ANKRD26: variants seen among roughly 807,000 people sequenced by gnomAD.
ANKRD26 encodes the protein ankyrin repeat domain 26.
Under a neutral mutation model 208.7 loss-of-function variants are expected in ANKRD26, and 141 were observed. The observed-to-expected ratio is 0.68, with a 90% CI of 0.59 to 0.78. The LOEUF (loss-of-function observed/expected upper bound fraction) is 0.78, where lower values mean the gene tolerates loss of function less well. Among genes scored for constraint, ANKRD26 ranks in the 30% least tolerant of loss-of-function variants. The probability of loss-of-function intolerance (pLI) is 0.00; values close to 1 mark genes in which losing one functional copy is unlikely to be tolerated. For missense variants in ANKRD26, 1,889 were observed against 1,938.7 expected (o/e 0.97, Z 0.48); for synonymous variants, 636 against 660.4 (o/e 0.96, Z 0.57).
At chr10:26,965,314 C>T in the ANKRD26 span, among the ~76,000 whole-genome samples, 12 of 152,078 alleles carry the variant, frequency 7.9e-5, no homozygotes, top group Non-Finnish European at 1.8e-4. Context: ...ACAGAGCCCT[C>T]AGAAATAATG....
intron 4 of ANKRD26, among the ~76,000 whole-genome samples, chr10:26,996,381 G>A (rs1333495247): frequency 6.6e-6 from 1 of 152,118 alleles, no homozygotes; most frequent in African/African-American, 2.4e-5. Context: ...CCAACATGGT[G>A]AAAACCCATC....
intron 4 of ANKRD26, among the ~76,000 whole-genome samples, chr10:27,090,859 G>T (rs1410491651): frequency 6.6e-6 from 1 of 152,152 alleles, no homozygotes. Context: ...ACTTTGGGAG[G>T]CCAAGATGGG....
At chr10:26,997,219 A>T (rs1357699174) in intron 4 of ANKRD26, among the ~76,000 whole-genome samples, 1 of 152,200 alleles carries the variant, frequency 6.6e-6, no homozygotes, top group Non-Finnish European at 1.5e-5. Flanking sequence ...ACTGTAAGGT[A>T]TAGGTTTTGA....
In ANKRD26 at chr10:27,029,267, G is replaced by A. The variant is rs185664036; in HGVS notation, c.3878+19C>T. On this transcript the variant is annotated intron_variant, in intron 26 of 33. Transcript: ENST00000376087. ...TCTATAAATAATCATGTTTTTCTGT[G>A]TGCTGCTTTAAATTTTACTTTTGCT... 23 of 1,600,694 alleles carry A rather than the reference G, an allele frequency of 1.4e-5. 1 individual carries two copies. The African/African-American group carries it at 2.1e-4, about 15-fold the overall frequency.
At chr10:27,042,851 A>G (rs994030695) in intron 20 of ANKRD26, among the ~76,000 whole-genome samples, 2 of 150,122 alleles carry the variant, frequency 1.3e-5, no homozygotes, top group African/African-American at 4.9e-5. Flanking sequence ...CTATCATATC[A>G]GCTACTCAGG....
intron 17 of ANKRD26, among the ~76,000 whole-genome samples, chr10:27,047,250 T>C (rs2054479750): frequency 6.6e-6 from 1 of 152,058 alleles, no homozygotes; most frequent in Non-Finnish European, 1.5e-5. Flanking sequence ...GGGGGAAAAA[T>C]CCTTTTAGAA....
chr10:27,050,219 CAAAAAAAAAAAAAAAA>C (rs67384671), intron 16 of ANKRD26, among the ~76,000 whole-genome samples: 13 of 33,038 alleles, frequency 3.9e-4, no homozygotes, highest in African/African-American at 1.2e-3. Context: ...GAATCTGTCT[CAAAAAAAAAAAAAAAA>C]AAAAAAAAAA....
chr10:26,999,204 C>T (rs983486069), downstream of ANKRD26, among the ~76,000 whole-genome samples: 8 of 152,160 alleles, frequency 5.3e-5, no homozygotes, highest in East Asian at 1.5e-3. Flanking sequence ...TCAGAAGATC[C>T]CCATCTAGGC....
At chr10:27,031,077 G>C (rs2053850194) in intron 25 of ANKRD26, among the ~76,000 whole-genome samples, 1 of 152,232 alleles carries the variant, frequency 6.6e-6, no homozygotes, top group Admixed American at 6.5e-5. Context: ...GCTTCCGAAA[G>C]GAGGGGGAAT....
intron 11 of ANKRD26, among the ~76,000 whole-genome samples, chr10:27,065,459 A>C (rs557528770): frequency 6.6e-6 from 1 of 152,166 alleles, no homozygotes; most frequent in South Asian, 2.1e-4. Context: ...TGAAACTTAT[A>C]CCCCAAATTA....
downstream of ANKRD26, chr10:27,004,099 C>T (rs754428115): frequency 1.8e-4 from 28 of 151,998 alleles, no homozygotes; most frequent in Admixed American, 1.3e-3. Context: ...AAAGAGGCAT[C>T]GTGTCTGCAA....
chr10:27,035,763 CA>C lies in ANKRD26; in HGVS notation c.2698-12del. On this transcript the variant is annotated splice_polypyrimidine_tract_variant and intron_variant, in intron 23 of 33. Coordinates refer to ENST00000376087, the MANE Select transcript of ANKRD26 (RefSeq NM_014915.3). ...ATGACTATGAGAATTCTAAGTAAAA[CA>C]AAGGAAACTTTGAGCTAGCACCCAA... The C allele has an allele frequency of 6.3e-7, 1 of 1,584,866 alleles. No homozygotes were observed. Among genetic ancestry groups the C allele is most frequent in the Non-Finnish European group, 8.6e-7 (1 of 1,157,680 alleles).
At chr10:27,074,069 C>T (rs1164447339) in intron 9 of ANKRD26, among the ~76,000 whole-genome samples, 2 of 151,472 alleles carry the variant, frequency 1.3e-5, no homozygotes, top group Non-Finnish European at 2.9e-5. Flanking sequence ...AAGAAATAGT[C>T]CACCCAAATT....
rs2054099190 is a variant in ANKRD26 at position 27,037,992 on chromosome 10, C to T, written c.2438G>A (p.Arg813Lys). 1.2e-6 allele frequency: 2 copies of T among 1,612,564 alleles called. No individual in the cohort carries two copies. Among genetic ancestry groups the T allele is most frequent in the South Asian group, 2.2e-5 (2 of 90,928 alleles). The change falls in exon 22 of 34, where the codon AGG becomes AAG. Residue 813 changes from arginine to lysine, a missense_variant. Coordinates refer to ENST00000376087, the MANE Select transcript of ANKRD26 (RefSeq NM_014915.3). Reference protein sequence around the residue: ...RNADTLYEKIREQLRRKEEQY... With the variant: ...RNADTLYEKIKEQLRRKEEQY... ...CTCTTCTTTTCTTCTTAACTGTTCC[C>T]TAATTTTTTCATACAACGTATCAGC...
At chr10:27,057,340 T>C (rs556158662) in intron 15 of ANKRD26, among the ~76,000 whole-genome samples, 24 of 152,328 alleles carry the variant, frequency 1.6e-4, no homozygotes, top group African/African-American at 5.8e-4. Context: ...ACTTATTTAC[T>C]TTGATTCACT....
intron 3 of ANKRD26, among the ~76,000 whole-genome samples, chr10:26,985,251 C>T (rs1185565801): frequency 1.3e-5 from 2 of 152,068 alleles, no homozygotes; most frequent in Admixed American, 6.6e-5. Flanking sequence ...AGAGAGAACA[C>T]ATGGAGAGTA....
downstream of ANKRD26, among the ~76,000 whole-genome samples, chr10:26,989,995 G>C (rs1278393621): frequency 2.0e-5 from 3 of 152,138 alleles, no homozygotes; most frequent in Non-Finnish European, 4.4e-5. Context: ...GCATATCTAA[G>C]TTGTTTGTTG....
rs1304129616 is a variant in ANKRD26 at position 27,035,730 on chromosome 10, T to C, written c.2720A>G (p.Glu907Gly). ...GCTATTTTTATGCGATAGGTCTTTTTCTTCTTCATGACTATGAGAATTCTA... is the reference window on the plus strand; with the variant it reads ...GCTATTTTTATGCGATAGGTCTTTTCCTTCTTCATGACTATGAGAATTCTA... Reference protein sequence around the residue: ...NSENSHSHEEEKDLSHKNSML... With the variant: ...NSENSHSHEEGKDLSHKNSML... Residue 907 changes from glutamate (E) to glycine (G), a missense_variant, in exon 24 of 34, where the codon GAA becomes GGA. Glu to Gly is a moderately conservative substitution (Grantham distance 98, BLOSUM62 -2). Around this residue, in one of 3 missense-constraint regions of ANKRD26, gnomAD observed 1,272 missense variants for 1,273.8 expected, o/e 1.00. Coordinates refer to ENST00000376087, the MANE Select transcript of ANKRD26 (RefSeq NM_014915.3). The C allele has an allele frequency of 6.2e-7, 1 of 1,607,870 alleles. No individual in the cohort carries two copies. Among genetic ancestry groups the C allele is most frequent in the African/African-American group, 1.3e-5 (1 of 74,852 alleles).
chr10:27,092,121 TAA>T (rs2056319779), intron 4 of ANKRD26, among the ~76,000 whole-genome samples: 1 of 152,168 alleles, frequency 6.6e-6, no homozygotes, highest in Non-Finnish European at 1.5e-5. Flanking sequence ...GTCAATATTA[TAA>T]GAGAAGATGA....
Sources: gnomAD v4.1 joint callset for allele counts (sites outside exome capture counted in the v4.1 genomes callset) on GRCh38, gnomAD v4.1.1 for gene constraint, gnomAD v4.1.1 regional missense constraint, MANE v1.5 for transcripts, NCBI Gene and HGNC (gene_info 2026-07-23, HGNC 2026-07-21) for gene names.